The following ANKRD55 variants were observed in gnomAD, a reference collection of about 807,000 sequenced individuals.
ANKRD55 encodes ankyrin repeat domain-containing protein 55.
A neutral mutation model predicts 60.6 loss-of-function variants in ANKRD55; 41 were observed. That is an observed-to-expected ratio of 0.68 (90% CI 0.53 to 0.88). The LOEUF is 0.88. ANKRD55 is among the 40% of genes least tolerant of loss of function. The pLI is 0.00. For synonymous variants in ANKRD55, 264 were observed against 290.3 expected (o/e 0.91, Z 0.92); for missense variants, 732 against 767.6 (o/e 0.95, Z 0.55).
chr5:56,102,959 T>G (rs1184351660), intron 10 of ANKRD55, among the ~76,000 whole-genome samples: 1 of 152,216 alleles, frequency 6.6e-6, no homozygotes, highest in African/African-American at 2.4e-5. Context: ...TAGAGTATTT[T>G]CTTCTAAAGC....
At chr5:56,178,407 T>C (rs1758783767) in intron 3 of ANKRD55, among the ~76,000 whole-genome samples, 1 of 151,558 alleles carries the variant, frequency 6.6e-6, no homozygotes, top group African/African-American at 2.4e-5. Flanking sequence ...TAACTGAGGT[T>C]TAGGGAGGAA....
rs1002122813 is a variant in ANKRD55, at chr5:56,189,236, G to A, written c.59-5602C>T. On this transcript the variant is annotated intron_variant, in intron 2 of 11. Transcript: ENST00000341048. The stretch of plus-strand genomic sequence containing the variant: ...TGAGGCAGGAGAATGGTGTGAATCC[G>A]GGAGGCGGAGCTTGCAGTGAGCCAA... 5.9e-5 allele frequency among the ~76,000 whole-genome samples: 9 copies of A among 151,406 alleles called. No individual in the cohort carries two copies. The East Asian group carries it at 1.6e-3, about 26-fold the overall frequency.
chr5:56,121,642 A>G (rs959212123), intron 8 of ANKRD55, among the ~76,000 whole-genome samples: 11 of 151,966 alleles, frequency 7.2e-5, no homozygotes, highest in Admixed American at 3.9e-4. Context: ...AAGTGCTGGG[A>G]TTACAGGAGT....
intron 8 of ANKRD55, among the ~76,000 whole-genome samples, chr5:56,126,398 C>G (rs1757257225): frequency 6.6e-6 from 1 of 152,134 alleles, no homozygotes; most frequent in Non-Finnish European, 1.5e-5. Flanking sequence ...CTAACTAGCT[C>G]TGACAGAAGT....
intron 6 of ANKRD55, among the ~76,000 whole-genome samples, chr5:56,155,322 T>A (rs1758165253): frequency 6.6e-6 from 1 of 152,022 alleles, no homozygotes; most frequent in African/African-American, 2.4e-5. Flanking sequence ...AAAAGCAGAT[T>A]GGTTATTTCA....
rs1760041477 is a variant in ANKRD55, at chr5:56,224,048, C to G, written c.58+8808G>C. Among the ~76,000 whole-genome samples the G allele has an allele frequency of 2.0e-5, 3 of 152,316 alleles. No individual in the cohort carries two copies. In the South Asian group the frequency reaches 6.2e-4, roughly 32 times the overall value. ...ACAGAATATACATTCTTCTCAGCAC[C>G]ACACCGCACTTATTCCAAAATTGAC... On this transcript the variant is annotated intron_variant, in intron 2 of 11. Transcript: ENST00000341048.
chr5:56,134,645 G>A (rs1378824491), intron 7 of ANKRD55, among the ~76,000 whole-genome samples: 1 of 151,636 alleles, frequency 6.6e-6, no homozygotes, highest in East Asian at 1.9e-4. Flanking sequence ...GAAATATGAG[G>A]CTCAGATGTA....
intron 2 of ANKRD55, among the ~76,000 whole-genome samples, chr5:56,226,779 C>T (rs1406349716): frequency 6.6e-6 from 1 of 152,166 alleles, no homozygotes; most frequent in African/African-American, 2.4e-5. Context: ...AAATCAAAAC[C>T]ACAATGAGAT....
At chr5:56,190,947 A>G (rs183219331) in intron 2 of ANKRD55, among the ~76,000 whole-genome samples, 124 of 152,364 alleles carry the variant, frequency 8.1e-4, no homozygotes, top group Non-Finnish European at 1.6e-3. Context: ...TTCAGTGGGA[A>G]CATTCAAGTC....
At chr5:56,135,304 T>C (rs1380344646) in intron 7 of ANKRD55, among the ~76,000 whole-genome samples, 5 of 8,490 alleles carry the variant, frequency 5.9e-4, no homozygotes, top group East Asian at 3.9e-3. Context: ...GCTTTCTTTC[T>C]TTCTTTCTTT....
At chr5:56,155,456 AT>A (rs773735701) in intron 6 of ANKRD55, among the ~76,000 whole-genome samples, 1 of 152,086 alleles carries the variant, frequency 6.6e-6, no homozygotes, top group Non-Finnish European at 1.5e-5. Context: ...AGCAGAGGAA[AT>A]TTCATTATTA....
intron 2 of ANKRD55, among the ~76,000 whole-genome samples, chr5:56,220,584 G>A (rs546877074): frequency 1.3e-5 from 2 of 152,326 alleles, no homozygotes; most frequent in East Asian, 3.9e-4. Context: ...GGAGGCCGAG[G>A]AAGGCAGATC....
intron 6 of ANKRD55, among the ~76,000 whole-genome samples, chr5:56,148,420 T>C (rs1255870163): frequency 6.6e-6 from 1 of 152,206 alleles, no homozygotes; most frequent in Non-Finnish European, 1.5e-5. Context: ...GAGGAACACA[T>C]ATTCAGTTAA....
intron 3 of ANKRD55, among the ~76,000 whole-genome samples, chr5:56,178,899 C>T (rs1758797528): frequency 6.6e-6 from 1 of 152,044 alleles, no homozygotes; most frequent in Admixed American, 6.5e-5. Context: ...ATCTGAAATG[C>T]CAGGTGTTGT....
intron 2 of ANKRD55, among the ~76,000 whole-genome samples, chr5:56,209,058 AGCGATTCTCCT>A (rs2111870171): frequency 6.6e-6 from 1 of 151,672 alleles, no homozygotes; most frequent in Non-Finnish European, 1.5e-5. Flanking sequence ...CCTGGGTTCA[AGCGATTCTCCT>A]GCCTTAGCCT....
At chr5:56,141,068 A>C (rs994377270) in intron 7 of ANKRD55, among the ~76,000 whole-genome samples, 3 of 151,814 alleles carry the variant, frequency 2.0e-5, no homozygotes, top group Admixed American at 6.6e-5. Flanking sequence ...ATCTCAAAAA[A>C]ATATATCTAT....
intron 6 of ANKRD55, among the ~76,000 whole-genome samples, chr5:56,147,640 T>G (rs1410317869): frequency 6.6e-6 from 1 of 150,402 alleles, no homozygotes; most frequent in Non-Finnish European, 1.5e-5. Flanking sequence ...CCAAATTACT[T>G]CATTACTTTT....
chr5:56,124,664 C>T (rs892242035), intron 8 of ANKRD55, among the ~76,000 whole-genome samples: 8 of 152,126 alleles, frequency 5.3e-5, no homozygotes, highest in African/African-American at 1.7e-4. Context: ...TGCGCCACCA[C>T]GCCCGGCTAA....
chr5:56,210,493 C>T (rs2111872629), intron 2 of ANKRD55, among the ~76,000 whole-genome samples: 1 of 132,054 alleles, frequency 7.6e-6, no homozygotes, highest in Non-Finnish European at 1.5e-5. Context: ...ACCCGGGAGG[C>T]GGAGCTTGCA....
Sources: gnomAD v4.1 joint callset for allele counts (sites outside exome capture counted in the v4.1 genomes callset) on GRCh38, gnomAD v4.1.1 for gene constraint, MANE v1.5 for transcripts, NCBI Gene and HGNC (gene_info 2026-07-23, HGNC 2026-07-21) for gene names.